Variants in KIF26B observed in about 807,000 individuals in gnomAD.
KIF26B encodes kinesin family member 26B, also known as kinesin-like protein KIF26B.
In KIF26B, 63 loss-of-function variants were observed where a neutral mutation model predicts 151.2. The observed-to-expected ratio is 0.42, with a 90% CI of 0.34 to 0.51. KIF26B has a LOEUF of 0.51. Among genes scored for constraint, KIF26B ranks in the 20% least tolerant of loss-of-function variants. The pLI is 0.07. For missense variants in KIF26B, 2,813 were observed against 2,913.6 expected (o/e 0.97, Z 0.79); for synonymous variants, 1,357 against 1,262.1 (o/e 1.08, Z -1.59).
At chr1:245,653,277 T>C (rs748799985) in intron 10 of KIF26B, among the ~76,000 whole-genome samples, 10 of 152,124 alleles carry the variant, frequency 6.6e-5, no homozygotes, top group Non-Finnish European at 1.3e-4. Flanking sequence ...GAACTCTATC[T>C]TGATCTTGCT....
At chr1:245,214,457 C>A (rs529223680) in intron 2 of KIF26B, among the ~76,000 whole-genome samples, 30 of 152,282 alleles carry the variant, frequency 2.0e-4, no homozygotes, top group Admixed American at 6.5e-4. Context: ...TCTGTATCCA[C>A]AATCTGGCCT....
chr1:245,249,575 C>T (rs1233690510), intron 2 of KIF26B, among the ~76,000 whole-genome samples: 1 of 146,534 alleles, frequency 6.8e-6, no homozygotes, highest in East Asian at 2.0e-4. Flanking sequence ...GCAACCTCCA[C>T]TTCCCGGGTT....
chr1:245,530,623 A>T (rs912369863), intron 4 of KIF26B, among the ~76,000 whole-genome samples: 1 of 152,232 alleles, frequency 6.6e-6, no homozygotes, highest in Non-Finnish European at 1.5e-5. Flanking sequence ...TGCTGCCCAG[A>T]TGACACAATT....
intron 2 of KIF26B, among the ~76,000 whole-genome samples, chr1:245,327,636 C>G (rs77122305): frequency 0.01 from 1,580 of 152,272 alleles, 26 homozygotes; most frequent in African/African-American, 0.035. Context: ...TTGAATGCTT[C>G]CTACATGCCA....
intron 2 of KIF26B, among the ~76,000 whole-genome samples, chr1:245,247,223 G>A (rs1469176464): frequency 6.6e-6 from 1 of 151,760 alleles, no homozygotes; most frequent in Non-Finnish European, 1.5e-5. Context: ...GGCCAAGGCC[G>A]GTGGATCACT....
intron 4 of KIF26B, among the ~76,000 whole-genome samples, chr1:245,494,743 A>C (rs563615820): frequency 6.6e-6 from 1 of 152,234 alleles, no homozygotes; most frequent in Non-Finnish European, 1.5e-5. Context: ...GGGAATTCAT[A>C]AAAAGAAACT....
chr1:245,564,629 C>CATGTATACATGTACATGTATACATG lies in KIF26B; in HGVS notation c.1350+23679_1350+23680insATGTATACATGTACATGTATACATG, dbSNP rs2042990105. Among the ~76,000 whole-genome samples the CATGTATACATGTACATGTATACATG allele has an allele frequency of 6.6e-6, 1 of 152,220 alleles. No individual in the cohort carries two copies. Among genetic ancestry groups the CATGTATACATGTACATGTATACATG allele is most frequent in the Non-Finnish European group, 1.5e-5 (1 of 68,048 alleles). Reference sequence around the variant, plus strand: ...AACTCAAGGTGTATACATGTCACCTCCCAGCACAGCAAATGGCACAGACTC... The same window carrying CATGTATACATGTACATGTATACATG: ...AACTCAAGGTGTATACATGTCACCTCATGTATACATGTACATGTATACATGCCAGCACAGCAAATGGCACAGACTC... On this transcript the variant is annotated intron_variant, in intron 5 of 14. Coordinates refer to ENST00000407071, the MANE Select transcript of KIF26B (RefSeq NM_018012.4). The surrounding 1 kb of genome is among the most constrained non-coding windows in gnomAD (Gnocchi z 4.6).
At chr1:245,381,359 T>C (rs994728086) in intron 3 of KIF26B, among the ~76,000 whole-genome samples, 1 of 152,200 alleles carries the variant, frequency 6.6e-6, no homozygotes, top group African/African-American at 2.4e-5. Flanking sequence ...ATCTGAATCA[T>C]TTTTAAGTGT....
intron 4 of KIF26B, among the ~76,000 whole-genome samples, chr1:245,445,513 C>T (rs776115421): frequency 1.8e-4 from 28 of 152,208 alleles, no homozygotes; most frequent in East Asian, 3.9e-4. Flanking sequence ...CATGTGCGCA[C>T]GTGGGGGGGA....
At chr1:245,463,082 G>C (rs572476231) in intron 4 of KIF26B, among the ~76,000 whole-genome samples, 21 of 152,224 alleles carry the variant, frequency 1.4e-4, no homozygotes, top group South Asian at 6.2e-4. Context: ...CTTTCTCAAC[G>C]GTGTCCTTCT....
intron 9 of KIF26B, among the ~76,000 whole-genome samples, chr1:245,627,235 A>C (rs1320202943): frequency 2.0e-5 from 3 of 152,066 alleles, no homozygotes; most frequent in Non-Finnish European, 4.4e-5. Flanking sequence ...CTGTGTGTTT[A>C]AATTCCATGA....
rs183239610 is a variant in KIF26B, at chr1:245,612,181, C to T, written c.2098+205C>T. 3.4e-3 allele frequency among the ~76,000 whole-genome samples: 517 copies of T among 151,814 alleles called. 4 individuals carry two copies. The highest frequency in any genetic ancestry group is 0.012 in the African/African-American group (498 of 41,406). ...CTGCAGTGCAGTGGCACGATCACAG[C>T]TCACTGCAGCCTCAAACTCCTGGGC... On this transcript the variant is annotated intron_variant, in intron 9 of 14. Transcript: ENST00000407071.
At chr1:245,471,127 G>A (rs5003293) in intron 4 of KIF26B, among the ~76,000 whole-genome samples, 14,062 of 144,392 alleles carry the variant, frequency 0.097, 728 homozygotes, top group South Asian at 0.13. Context: ...GTGTGTGTGT[G>A]TGTGTATATA....
intron 2 of KIF26B, among the ~76,000 whole-genome samples, chr1:245,337,713 AACAC>A (rs968760492): frequency 5.9e-5 from 9 of 152,198 alleles, no homozygotes; most frequent in African/African-American, 1.4e-4. Flanking sequence ...TGCACACACA[AACAC>A]ACACACAGAG....
chr1:245,319,022 G>A (rs1671834655), intron 2 of KIF26B, among the ~76,000 whole-genome samples: 1 of 152,170 alleles, frequency 6.6e-6, no homozygotes. Flanking sequence ...GGGTGCCTAC[G>A]GCTTTGGGTT....
chr1:245,571,307 C>T (rs1334220269), intron 5 of KIF26B, among the ~76,000 whole-genome samples: 1 of 152,172 alleles, frequency 6.6e-6, no homozygotes, highest in Non-Finnish European at 1.5e-5. Flanking sequence ...TGTTTTTAAT[C>T]ACAATACCAT....
chr1:245,521,268 C>T (rs1303588989), intron 4 of KIF26B, among the ~76,000 whole-genome samples: 6 of 151,202 alleles, frequency 4.0e-5, no homozygotes, highest in East Asian at 2.0e-4. Flanking sequence ...ACCCGGGAGG[C>T]GGAGCTTGCA....
chr1:245,197,824 G>A (rs1358622420), intron 2 of KIF26B, among the ~76,000 whole-genome samples: 1 of 152,092 alleles, frequency 6.6e-6, no homozygotes, highest in Non-Finnish European at 1.5e-5. Flanking sequence ...CGACAACTAG[G>A]CACAGTTTCA....
intron 4 of KIF26B, among the ~76,000 whole-genome samples, chr1:245,475,301 C>T (rs1036755717): frequency 7.9e-5 from 12 of 151,794 alleles, no homozygotes; most frequent in African/African-American, 2.9e-4. Context: ...CATACTTGTA[C>T]ATGCTTCTTG....
Sources: gnomAD v4.1 joint callset for allele counts (sites outside exome capture counted in the v4.1 genomes callset) on GRCh38, gnomAD v4.1.1 for gene constraint, Gnocchi (gnomAD v3.1) non-coding constraint, MANE v1.5 for transcripts, NCBI Gene and HGNC (gene_info 2026-07-23, HGNC 2026-07-21) for gene names.